GRM3: variants seen among roughly 807,000 people sequenced by gnomAD.
GRM3 encodes metabotropic glutamate receptor 3.
GRM3 carries 26 observed loss-of-function variants against 70.5 expected under a neutral mutation model. The ratio of observed to expected loss-of-function variants is 0.37; its 90% CI spans 0.27 to 0.51. GRM3 has a LOEUF of 0.51. GRM3 is among the 20% of genes least tolerant of loss of function. The pLI, the probability that GRM3 is intolerant of heterozygous loss-of-function variation, is 0.93. For missense variants in GRM3, 859 were observed against 1,123.8 expected (o/e 0.76, Z 3.37); for synonymous variants, 443 against 434.9 (o/e 1.02, Z -0.23).
rs184443457 is a variant in GRM3 at position 86,733,305 on chromosome 7, C to T, written c.-140-31701C>T. ...CTCCAGCCTGGGCAACAGAGCGACA[C>T]GCCGTCTCAAAAAAAAAAAAAAAAG... On this transcript the variant is annotated intron_variant, in intron 1 of 5. Transcript: ENST00000361669. Among the ~76,000 whole-genome samples the T allele has an allele frequency of 4.7e-3, 658 of 139,212 alleles. 6 individuals carry two copies. Among genetic ancestry groups the T allele is most frequent in the African/African-American group, 0.018 (617 of 34,318 alleles). The allele number at this position is 139,212 out of a possible 152,430, so 91.3% of individuals were successfully genotyped here. A position where few individuals can be genotyped will look rare whatever the true frequency, so the allele number is the denominator to read the frequency against.
chr7:86,645,385 C>A (rs1337314746), intron 1 of GRM3, among the ~76,000 whole-genome samples: 1 of 152,162 alleles, frequency 6.6e-6, no homozygotes, highest in Non-Finnish European at 1.5e-5. Context: ...GGTTTGCCCT[C>A]CCGCAAGCAG....
chr7:86,712,630 A>C (rs992815994), intron 1 of GRM3, among the ~76,000 whole-genome samples: 1 of 152,008 alleles, frequency 6.6e-6, no homozygotes, highest in South Asian at 2.1e-4. Flanking sequence ...ACCTCTCTGC[A>C]TGGCCTTACC....
rs911208711 is a variant in GRM3, at chr7:86,864,180, AC to A, written c.2567-99del. On this transcript the variant is annotated intron_variant, in intron 5 of 5. Transcript: ENST00000361669. ...GTCTTTTATCCCTCACCTCCTTCCC[AC>A]CCTTCCCCCCGAGTCCCCAAAGTCC... 6.9e-6 allele frequency: 5 copies of A among 723,102 alleles called. No individual in the cohort carries two copies. In the African/African-American group the frequency reaches 8.9e-5, roughly 13 times the overall value. 44.8% of individuals were successfully genotyped at this position (723,102 alleles called of 1,614,324 possible).
At chr7:86,708,301 C>G (rs184800514) in intron 1 of GRM3, among the ~76,000 whole-genome samples, 1 of 152,130 alleles carries the variant, frequency 6.6e-6, no homozygotes, top group African/African-American at 2.4e-5. Context: ...GTTTGTATCA[C>G]CAGTTCTCCA....
At chr7:86,764,857 C>T (rs1796562432) in intron 1 of GRM3, 149 bp from the exon 2 acceptor site, 1 of 349,684 alleles carries the variant, frequency 2.9e-6, no homozygotes, top group Non-Finnish European at 5.1e-6. Flanking sequence ...GGTGAGAATA[C>T]CTGTGAGAGA....
intron 1 of GRM3, among the ~76,000 whole-genome samples, chr7:86,747,232 A>G (rs1294752721): frequency 2.0e-5 from 3 of 152,108 alleles, no homozygotes; most frequent in Non-Finnish European, 4.4e-5. Flanking sequence ...TCAACAAAGC[A>G]TGTTTTATCT....
intron 1 of GRM3, among the ~76,000 whole-genome samples, chr7:86,725,609 G>T (rs1199522398): frequency 1.3e-5 from 2 of 152,136 alleles, no homozygotes; most frequent in African/African-American, 2.4e-5. Flanking sequence ...CATTGTAGAA[G>T]AGCATGTAGG....
chr7:86,747,665 A>G (rs571879842), intron 1 of GRM3, among the ~76,000 whole-genome samples: 1 of 152,080 alleles, frequency 6.6e-6, no homozygotes, highest in Non-Finnish European at 1.5e-5. Flanking sequence ...GACTGAATCC[A>G]TTTCCTGCTT....
intron 1 of GRM3, among the ~76,000 whole-genome samples, chr7:86,666,957 G>A (rs1794043190): frequency 6.6e-6 from 1 of 152,034 alleles, no homozygotes; most frequent in African/African-American, 2.4e-5. Context: ...TGACGCTAAG[G>A]TTGTCATAGG....
chr7:86,736,234 T>C (rs556393677), intron 1 of GRM3, among the ~76,000 whole-genome samples: 1 of 152,234 alleles, frequency 6.6e-6, no homozygotes, highest in Admixed American at 6.5e-5. Context: ...GGAAGGCAGG[T>C]AGGCAAACGA....
chr7:86,773,353 T>TTATA (rs1479580541), intron 2 of GRM3, among the ~76,000 whole-genome samples: 3 of 151,352 alleles, frequency 2.0e-5, no homozygotes, highest in Non-Finnish European at 4.4e-5. Context: ...CCATTACCTT[T>TTATA]TATTTATTTA....
chr7:86,787,946 T>C (rs1797308312), intron 3 of GRM3, among the ~76,000 whole-genome samples: 1 of 152,238 alleles, frequency 6.6e-6, no homozygotes, highest in Non-Finnish European at 1.5e-5. Flanking sequence ...CTACATTCTC[T>C]ACTTAGGTAC....
chr7:86,712,827 G>T (rs1584186873), intron 1 of GRM3, among the ~76,000 whole-genome samples: 1 of 152,130 alleles, frequency 6.6e-6, no homozygotes, highest in East Asian at 1.9e-4. Flanking sequence ...TATTTTATAT[G>T]CCTGAATAAC....
At chr7:86,860,933 G>C (rs1009976692) in intron 5 of GRM3, among the ~76,000 whole-genome samples, 1 of 152,240 alleles carries the variant, frequency 6.6e-6, no homozygotes, top group African/African-American at 2.4e-5. Flanking sequence ...AACTTAAGAG[G>C]GGGTATTTGA....
chr7:86,672,441 C>T (rs1273783522), intron 1 of GRM3, among the ~76,000 whole-genome samples: 2 of 152,102 alleles, frequency 1.3e-5, no homozygotes, highest in Admixed American at 6.6e-5. Context: ...AATATATATC[C>T]AAAGGTGACT....
Position 86,737,852 on chromosome 7 carries a change from A to T in GRM3, c.-140-27154A>T, listed in dbSNP as rs1584203976. Among the ~76,000 whole-genome samples, 3 of 152,226 alleles carry T rather than the reference A, an allele frequency of 2.0e-5. No individual in the cohort carries two copies. The East Asian group carries it at 5.8e-4, about 29-fold the overall frequency. Reference sequence around the variant, plus strand: ...TGGCAAATTCATAATGAAACATCCCAGCTATCAATCTATAAGCTGGCAGAC... The same window carrying T: ...TGGCAAATTCATAATGAAACATCCCTGCTATCAATCTATAAGCTGGCAGAC... On this transcript the variant is annotated intron_variant, in intron 1 of 5. Transcript: ENST00000361669.
intron 5 of GRM3, among the ~76,000 whole-genome samples, chr7:86,851,004 G>A (rs904937572): frequency 2.6e-5 from 4 of 152,006 alleles, no homozygotes; most frequent in Non-Finnish European, 4.4e-5. Context: ...AAATTAAAAG[G>A]GGAAGATAAT....
chr7:86,649,107 T>C (rs1793547245), intron 1 of GRM3, among the ~76,000 whole-genome samples: 1 of 152,172 alleles, frequency 6.6e-6, no homozygotes, highest in Non-Finnish European at 1.5e-5. Flanking sequence ...CCAAAACTTA[T>C]TTTTAAACAA....
intron 1 of GRM3, among the ~76,000 whole-genome samples, chr7:86,739,834 T>TA (rs1746122550): frequency 6.6e-6 from 1 of 151,976 alleles, no homozygotes; most frequent in African/African-American, 2.4e-5. Context: ...GGCTCAAGAG[T>TA]AAAATAATTA....
Sources: gnomAD v4.1 joint callset for allele counts (sites outside exome capture counted in the v4.1 genomes callset) on GRCh38, gnomAD v4.1.1 for gene constraint, MANE v1.5 for transcripts, NCBI Gene and HGNC (gene_info 2026-07-23, HGNC 2026-07-21) for gene names.